EPHA5: variants seen among roughly 807,000 people sequenced by gnomAD.
The protein encoded by EPHA5 is EPH receptor A5.
A neutral mutation model predicts 105.0 loss-of-function variants in EPHA5; 60 were observed. The ratio of observed to expected loss-of-function variants is 0.57; its 90% CI spans 0.46 to 0.71. EPHA5 has a LOEUF of 0.71. Ranked by LOEUF, EPHA5 falls within the 30% of genes least tolerant of loss-of-function variation. EPHA5 has a pLI of 0.00. For missense variants in EPHA5, 1,218 were observed against 1,274.7 expected (o/e 0.96, Z 0.68); for synonymous variants, 513 against 449.1 (o/e 1.14, Z -1.80).
intron 8 of EPHA5, among the ~76,000 whole-genome samples, chr4:65,381,283 G>A (rs993299006): frequency 2.0e-5 from 3 of 151,442 alleles, no homozygotes; most frequent in African/African-American, 2.4e-5. Context: ...ATGTAAATAT[G>A]GTATAATATT....
At chr4:65,664,557 T>C (rs1578730758) in intron 1 of EPHA5, among the ~76,000 whole-genome samples, 1 of 151,928 alleles carries the variant, frequency 6.6e-6, no homozygotes, top group Non-Finnish European at 1.5e-5. Context: ...ATTTTTAAAA[T>C]CAGTTAACTA....
At chr4:65,543,433 A>C (rs1737043782) in intron 3 of EPHA5, among the ~76,000 whole-genome samples, 1 of 152,018 alleles carries the variant, frequency 6.6e-6, no homozygotes, top group Admixed American at 6.6e-5. Context: ...CCAACAATAG[A>C]CAAGTAGAGA....
rs558387709 is a variant in EPHA5 at position 65,402,455 on chromosome 4, A to T, written c.1793+1919T>A. Among the ~76,000 whole-genome samples the T allele has an allele frequency of 7.2e-5, 11 of 152,280 alleles. No individual in the cohort carries two copies. In the East Asian group the frequency reaches 1.2e-3, roughly 16 times the overall value. On this transcript the variant is annotated intron_variant, in intron 8 of 16. Transcript: ENST00000613740. ...AAGATGCCACATAAGGGTAAGTAAG[A>T]ATCCATAGTAAAATGTCACCAGTAA... is the stretch of plus-strand genomic sequence containing the variant.
chr4:65,541,753 A>G (rs912620802), intron 3 of EPHA5, among the ~76,000 whole-genome samples: 12 of 151,868 alleles, frequency 7.9e-5, no homozygotes, highest in African/African-American at 2.9e-4. Flanking sequence ...AAGTGGATTT[A>G]TCTACAGAGC....
intron 1 of EPHA5, among the ~76,000 whole-genome samples, chr4:65,669,215 C>A (rs1282110552): frequency 3.9e-5 from 6 of 152,008 alleles, no homozygotes; most frequent in Non-Finnish European, 7.3e-5. Context: ...CCCCACGCGC[C>A]TTAAGTGAGG....
At chr4:65,345,384 T>G (rs920740776) in intron 14 of EPHA5, among the ~76,000 whole-genome samples, 2 of 152,194 alleles carry the variant, frequency 1.3e-5, no homozygotes, top group Non-Finnish European at 2.9e-5. Context: ...TGCTATGAAA[T>G]CATTCGTGGG....
chr4:65,365,261 C>T (rs1025528927), intron 10 of EPHA5, 59 bp from the exon 11 acceptor site: 18 of 1,362,412 alleles, frequency 1.3e-5, no homozygotes, highest in Middle Eastern at 1.8e-4. Flanking sequence ...TCTATTAACA[C>T]TTGTATGCCC....
At position 65,601,623 on chromosome 4, in the gene EPHA5, C is replaced by A. The variant is rs2149436534; in HGVS notation, c.910+18G>T. The A allele has an allele frequency of 6.2e-7, 1 of 1,606,450 alleles. No homozygotes were observed. The highest frequency in any genetic ancestry group is 8.5e-7 in the Non-Finnish European group (1 of 1,174,666). ...ACTGAAGCAGACAGCCCCTGCAGAT[C>A]TGGAGGCAAACTCTTACCTTGACAG... On this transcript the variant is annotated intron_variant, in intron 3 of 16. Transcript: ENST00000613740.
intron 3 of EPHA5, among the ~76,000 whole-genome samples, chr4:65,503,736 T>A (rs1021328141): frequency 2.6e-5 from 4 of 151,768 alleles, no homozygotes; most frequent in Non-Finnish European, 5.9e-5. Context: ...CAAATATAAT[T>A]AAGACATTTT....
At position 65,659,510 on chromosome 4, in the gene EPHA5, A is replaced by G. The variant is rs547089464; in HGVS notation, c.181+10052T>C. 9.2e-5 allele frequency among the ~76,000 whole-genome samples: 14 copies of G among 152,122 alleles called. No homozygotes were observed. The South Asian group carries it at 2.9e-3, about 32-fold the overall frequency. On this transcript the variant is annotated intron_variant, in intron 1 of 16. Transcript: ENST00000613740. ...GTAAGAGTATGATGACCAGCAGCTG[A>G]TCAAGCGTTTAATGAGAGGGAAAAA...
At chr4:65,594,467 A>T (rs1033319844) in intron 3 of EPHA5, among the ~76,000 whole-genome samples, 1 of 152,222 alleles carries the variant, frequency 6.6e-6, no homozygotes, top group Non-Finnish European at 1.5e-5. Context: ...AAATTTACAA[A>T]GTAGTTATTA....
At chr4:65,414,096 G>A (rs548231849) in intron 7 of EPHA5, among the ~76,000 whole-genome samples, 188 bp downstream of exon 7, 2 of 152,124 alleles carry the variant, frequency 1.3e-5, no homozygotes, top group African/African-American at 2.4e-5. Flanking sequence ...TGAGGAGCAC[G>A]GACCAACGTG....
intron 5 of EPHA5, among the ~76,000 whole-genome samples, chr4:65,455,360 A>C (rs1727479159): frequency 6.6e-6 from 1 of 152,232 alleles, no homozygotes. Context: ...AATTTACTAG[A>C]GTGCACACAA....
chr4:65,569,858 A>G (rs939531862), intron 3 of EPHA5, among the ~76,000 whole-genome samples: 3 of 151,684 alleles, frequency 2.0e-5, no homozygotes, highest in Non-Finnish European at 3.0e-5. Context: ...CTCATCCTCC[A>G]TTTCTGGAAA....
Position 65,656,781 on chromosome 4 carries a change from A to AT in EPHA5, c.181+12780dup, listed in dbSNP as rs1279272040. Among the ~76,000 whole-genome samples, 3 of 151,064 alleles carry AT rather than the reference A, an allele frequency of 2.0e-5. 1 individual carries two copies. The highest frequency in any genetic ancestry group is 6.8e-3 in the Middle Eastern group (2 of 292). On this transcript the variant is annotated intron_variant, in intron 1 of 16. Transcript: ENST00000613740. ...AGGTGCACGCCACCATGTCCGGCTAATTTTTTGTATATTGTGTGGTAATAG... is the reference window on the plus strand; with the variant it reads ...AGGTGCACGCCACCATGTCCGGCTAATTTTTTTGTATATTGTGTGGTAATAG...
intron 3 of EPHA5, among the ~76,000 whole-genome samples, chr4:65,549,848 A>C (rs972793502): frequency 6.6e-6 from 1 of 152,092 alleles, no homozygotes; most frequent in African/African-American, 2.4e-5. Context: ...TCTTGTAGAC[A>C]AAGTAAAATT....
At chr4:65,464,362 A>T (rs7436939) in intron 5 of EPHA5, among the ~76,000 whole-genome samples, 38,502 of 151,952 alleles carry the variant, frequency 0.25, 5,292 homozygotes, top group Middle Eastern at 0.35. Context: ...AAAGAAGAAG[A>T]TATGTGATAC....
intron 1 of EPHA5, among the ~76,000 whole-genome samples, chr4:65,669,221 T>A (rs990066262): frequency 1.3e-5 from 2 of 151,872 alleles, no homozygotes; most frequent in Admixed American, 6.6e-5. Flanking sequence ...GCGCCTTAAG[T>A]GAGGCCCAGC....
intron 6 of EPHA5, among the ~76,000 whole-genome samples, chr4:65,417,261 CACCTG>C (rs1376779696): frequency 6.6e-6 from 1 of 152,228 alleles, no homozygotes; most frequent in Non-Finnish European, 1.5e-5. Context: ...AAAGCTCTGC[CACCTG>C]TGTCTGGCCA....
Sources: gnomAD v4.1 joint callset for allele counts (sites outside exome capture counted in the v4.1 genomes callset) on GRCh38, gnomAD v4.1.1 for gene constraint, MANE v1.5 for transcripts, NCBI Gene and HGNC (gene_info 2026-07-23, HGNC 2026-07-21) for gene names.